Variants in PRDM16 observed in about 807,000 individuals in gnomAD.
PRDM16 encodes histone-lysine N-methyltransferase PRDM16.
Under a neutral mutation model 110.6 loss-of-function variants are expected in PRDM16, and 23 were observed. The observed-to-expected ratio is 0.21, with a 90% CI of 0.15 to 0.29. PRDM16 has a LOEUF of 0.29. Among genes scored for constraint, PRDM16 ranks in the 10% least tolerant of loss-of-function variants. The pLI is 1.00. For missense variants in PRDM16, 1,615 were observed against 1,794.3 expected, an observed-to-expected ratio of 0.90 and a Z score of 1.81; for synonymous variants, 799 against 781.8, an observed-to-expected ratio of 1.02 and a Z score of -0.37.
rs1429776124 is a variant in PRDM16 at position 3,350,831 on chromosome 1, G to A, written c.439-34321G>A. Among the ~76,000 whole-genome samples, 2 of 152,166 alleles carry A rather than the reference G, an allele frequency of 1.3e-5. No individual in the cohort carries two copies. The highest frequency in any genetic ancestry group is 3.9e-4 in the East Asian group (2 of 5,188). On this transcript the variant is annotated intron_variant, in intron 3 of 16. Coordinates refer to ENST00000270722, the MANE Select transcript of PRDM16 (RefSeq NM_022114.4). This position sits in a 1 kb window ranked among gnomAD's most constrained non-coding sequence, Gnocchi z 7.1. ...CAAACTCTTTTTTGAGGCCAGGTGG[G>A]TGGGGCCCAGCCAGCGCCAGGCACT... is the stretch of plus-strand genomic sequence containing the variant.
chr1:3,352,476 C>T (rs993537535), intron 3 of PRDM16, among the ~76,000 whole-genome samples: 1 of 152,208 alleles, frequency 6.6e-6, no homozygotes, highest in Non-Finnish European at 1.5e-5. Flanking sequence ...GTAGCATTTC[C>T]GCCCTCCGCT....
intron 3 of PRDM16, among the ~76,000 whole-genome samples, chr1:3,293,160 G>A (rs1202838451): frequency 2.0e-5 from 3 of 152,244 alleles, no homozygotes; most frequent in Non-Finnish European, 4.4e-5. Flanking sequence ...CGTGTTGAGT[G>A]AAAAACTGCA....
chr1:3,331,188 G>A (rs1039754186), intron 3 of PRDM16, among the ~76,000 whole-genome samples: 3 of 152,196 alleles, frequency 2.0e-5, no homozygotes, highest in Non-Finnish European at 4.4e-5. Context: ...ACTTGGGTGG[G>A]CTTTGATCAC....
intron 3 of PRDM16, among the ~76,000 whole-genome samples, chr1:3,356,826 A>G (rs1358510997): frequency 1.3e-5 from 2 of 152,140 alleles, no homozygotes; most frequent in Non-Finnish European, 2.9e-5. Context: ...GCGGTTCCTT[A>G]TCTCCAGCTC....
chr1:3,411,638 G>T lies in PRDM16; in HGVS notation c.1441G>T (p.Ala481Ser), dbSNP rs377240759. The T allele has an allele frequency of 1.2e-6, 2 of 1,613,644 alleles. No homozygotes were observed. The highest frequency in any genetic ancestry group is 2.2e-5 in the South Asian group (2 of 91,038). The change falls in exon 9 of 17, where the codon GCC (alanine) becomes TCC (serine). Residue 481 changes from alanine (A) to serine (S), a missense_variant. Ala to Ser is a moderately conservative substitution (Grantham distance 99). Around this residue, in one of 5 missense-constraint regions of PRDM16, gnomAD observed 772 missense variants for 748.3 expected, o/e 1.03. Coordinates refer to ENST00000270722, the MANE Select transcript of PRDM16 (RefSeq NM_022114.4). ...AAAACCCTCCCCCAGCCTCAATCAC[G>T]CCAGCCTGGGCTTCAACGAGTACTT... ...KAKPSPSLNH[A>S]SLGFNEYFPS...
chr1:3,271,205 T>G (rs1043773638), intron 3 of PRDM16, among the ~76,000 whole-genome samples: 1 of 152,196 alleles, frequency 6.6e-6, no homozygotes, highest in African/African-American at 2.4e-5. Flanking sequence ...CCCAGTCCTC[T>G]TATACAGATA....
chr1:3,420,499 T>C (rs1436206322), intron 12 of PRDM16, among the ~76,000 whole-genome samples: 1 of 152,210 alleles, frequency 6.6e-6, no homozygotes, highest in Non-Finnish European at 1.5e-5. Context: ...GGAAGCAGGC[T>C]TCTCATGGGT....
At chr1:3,289,370 G>A (rs1413012185) in intron 3 of PRDM16, among the ~76,000 whole-genome samples, 1 of 152,204 alleles carries the variant, frequency 6.6e-6, no homozygotes, top group African/African-American at 2.4e-5. Flanking sequence ...GAGTCTGAAC[G>A]CAGCCCCTGC....
chr1:3,098,240 G>GA (rs1642451877), intron 1 of PRDM16, among the ~76,000 whole-genome samples: 1 of 152,136 alleles, frequency 6.6e-6, no homozygotes, highest in South Asian at 2.1e-4. Context: ...CCTGGGTCTG[G>GA]AAAATCCTTC....
intron 12 of PRDM16, among the ~76,000 whole-genome samples, chr1:3,423,921 C>T (rs981483320): frequency 1.3e-5 from 2 of 152,256 alleles, no homozygotes; most frequent in South Asian, 2.1e-4. Context: ...TGCGTGTGTG[C>T]CTGTGGGATC....
intron 1 of PRDM16, among the ~76,000 whole-genome samples, chr1:3,126,363 G>A (rs1176976823): frequency 1.3e-5 from 2 of 152,200 alleles, no homozygotes; most frequent in African/African-American, 2.4e-5. Flanking sequence ...ATGCCCCCGG[G>A]GGCTCAGTCC....
chr1:3,270,752 A>G (rs72848069), intron 3 of PRDM16, among the ~76,000 whole-genome samples: 5,951 of 110,660 alleles, frequency 0.054, 228 homozygotes, highest in African/African-American at 0.21. Context: ...GATGACAGTC[A>G]GGAGGAGGAC....
intron 3 of PRDM16, among the ~76,000 whole-genome samples, chr1:3,314,647 T>C (rs1641556096): frequency 1.3e-5 from 2 of 151,886 alleles, no homozygotes; most frequent in Admixed American, 6.6e-5. Flanking sequence ...TTGTGTGTTG[T>C]TGTTGTTTCC....
At chr1:3,146,596 CGT>C (rs1643661728) in intron 1 of PRDM16, among the ~76,000 whole-genome samples, 1 of 128,576 alleles carries the variant, frequency 7.8e-6, no homozygotes, top group African/African-American at 3.1e-5. Context: ...TATGTGTGCA[CGT>C]GTGTGCTCAG....
chr1:3,355,585 A>C (rs1642579270), intron 3 of PRDM16, among the ~76,000 whole-genome samples: 1 of 152,070 alleles, frequency 6.6e-6, no homozygotes, highest in East Asian at 1.9e-4. Flanking sequence ...AGAACAATAA[A>C]AACAAGGGCA....
intron 1 of PRDM16, among the ~76,000 whole-genome samples, chr1:3,072,941 C>CT: frequency 6.6e-6 from 1 of 152,378 alleles, no homozygotes; most frequent in Non-Finnish European, 1.5e-5. Flanking sequence ...GCAGGAGGGG[C>CT]TTGCCAAGCT....
chr1:3,408,168 A>G (rs1471474576), intron 8 of PRDM16, among the ~76,000 whole-genome samples: 3 of 152,214 alleles, frequency 2.0e-5, no homozygotes, highest in Non-Finnish European at 4.4e-5. Context: ...GCAGGCGCTC[A>G]TGGCCAGACT....
chr1:3,102,228 C>T (rs762816476), intron 1 of PRDM16, among the ~76,000 whole-genome samples: 1 of 152,170 alleles, frequency 6.6e-6, no homozygotes, highest in Non-Finnish European at 1.5e-5. Context: ...CGCCACCACC[C>T]AGGCCTCCCC....
intron 1 of PRDM16, among the ~76,000 whole-genome samples, chr1:3,071,129 G>A (rs561645506): frequency 6.6e-6 from 1 of 152,380 alleles, no homozygotes; most frequent in Non-Finnish European, 1.5e-5. Flanking sequence ...CCTCGCCCAG[G>A]ATGGGCCCTA....
Sources: gnomAD v4.1 joint callset for allele counts (sites outside exome capture counted in the v4.1 genomes callset) on GRCh38, gnomAD v4.1.1 for gene constraint, gnomAD v4.1.1 regional missense constraint, Gnocchi (gnomAD v3.1) non-coding constraint, MANE v1.5 for transcripts, NCBI Gene and HGNC (gene_info 2026-07-23, HGNC 2026-07-21) for gene names.